The following EXTL2 variants were observed in gnomAD, a reference collection of about 807,000 sequenced individuals.
EXTL2 encodes the protein exostosin like glycosyltransferase 2.
In EXTL2, 23 loss-of-function variants were observed where a neutral mutation model predicts 30.7. That is an observed-to-expected ratio of 0.75 (90% CI 0.54 to 1.06). EXTL2 has a LOEUF of 1.06. Ranked by LOEUF, EXTL2 falls within the 50% of genes least tolerant of loss-of-function variation. EXTL2 has a pLI of 0.00. For synonymous variants in EXTL2, 123 were observed against 133.8 expected (o/e 0.92, Z 0.56); for missense variants, 352 against 396.3 (o/e 0.89, Z 0.95).
chr1:100,879,358 C>A (rs910103789), intron 2 of EXTL2, among the ~76,000 whole-genome samples: 1 of 152,132 alleles, frequency 6.6e-6, no homozygotes, highest in Non-Finnish European at 1.5e-5. Flanking sequence ...CATCATGGAT[C>A]TATTTTACTA....
chr1:100,875,954 T>C (rs1419694287), intron 4 of EXTL2, among the ~76,000 whole-genome samples: 2 of 152,088 alleles, frequency 1.3e-5, no homozygotes, highest in South Asian at 2.1e-4. Flanking sequence ...AAAAATTTCG[T>C]TGGTCAGCAC....
intron 2 of EXTL2, among the ~76,000 whole-genome samples, chr1:100,880,526 CTT>C (rs1337589982): frequency 2.0e-5 from 3 of 152,144 alleles, no homozygotes; most frequent in Non-Finnish European, 4.4e-5. Context: ...AGGATAATAA[CTT>C]AAAGCTTTAG....
chr1:100,878,248 T>TC, intron 2 of EXTL2: 1 of 315,336 alleles, frequency 3.2e-6, no homozygotes, highest in Non-Finnish European at 6.2e-6. Flanking sequence ...AATATATTAA[T>TC]TTCGAATCTA....
rs527383304 is a variant in EXTL2, at chr1:100,894,709, T to A, written c.-148A>T. ...TAGTTATCATAAAACGGAAGGGGCGTCTCGTTTGCTCATTTTTGTTTTTTT... is the reference window on the plus strand; with the variant it reads ...TAGTTATCATAAAACGGAAGGGGCGACTCGTTTGCTCATTTTTGTTTTTTT... On this transcript the variant is annotated 5_prime_UTR_variant, in exon 1 of 5. Coordinates refer to ENST00000370114, the MANE Select transcript of EXTL2 (RefSeq NM_001033025.3). 3.9e-5 allele frequency: 6 copies of A among 152,224 alleles called. No homozygotes were observed. In the South Asian group the frequency reaches 6.2e-4, roughly 16 times the overall value. The allele number at this position is 152,224 out of a possible 1,614,324, so 9.4% of individuals were successfully genotyped here.
At position 100,877,366 on chromosome 1, in the gene EXTL2, C is replaced by G; in HGVS notation, c.433+110G>C. On this transcript the variant is annotated intron_variant, in intron 3 of 4. Transcript: ENST00000370114. The surrounding 1 kb of genome is among the most constrained non-coding windows in gnomAD (Gnocchi z 4.1). ...TTCCAAAGTGCTTTCTTAGGACTAA[C>G]TTCCTTCATTTTTCTCCAGACGGTT... is the stretch of plus-strand genomic sequence containing the variant. 1 of 1,003,208 alleles carries G rather than the reference C, an allele frequency of 1.0e-6. No homozygotes were observed. The highest frequency in any genetic ancestry group is 1.4e-6 in the Non-Finnish European group (1 of 700,624). 62.1% of individuals were successfully genotyped at this position (1,003,208 alleles called of 1,614,324 possible). A position where few individuals can be genotyped will look rare whatever the true frequency, so the allele number is the denominator to read the frequency against.
At chr1:100,894,231 T>C (rs1314934474) in intron 1 of EXTL2, among the ~76,000 whole-genome samples, 2 of 152,290 alleles carry the variant, frequency 1.3e-5, no homozygotes, top group Admixed American at 1.3e-4. Flanking sequence ...GAATTATTTA[T>C]CTTTAAACTA....
intron 2 of EXTL2, among the ~76,000 whole-genome samples, chr1:100,881,733 C>T (rs1038644316): frequency 2.0e-5 from 3 of 152,158 alleles, no homozygotes; most frequent in Non-Finnish European, 4.4e-5. Context: ...TCCAAGATTT[C>T]CCCCAATGAT....
In EXTL2 at chr1:100,877,549, A is replaced by G. The variant is rs1649221224; in HGVS notation, c.360T>C (p.Pro120=). 2 of 1,613,074 alleles carry G rather than the reference A, an allele frequency of 1.2e-6. No individual in the cohort carries two copies. Among genetic ancestry groups the G allele is most frequent in the Non-Finnish European group, 1.7e-6 (2 of 1,179,502 alleles). The change falls in exon 3 of 5, where the codon CCT becomes CCC. Residue 120 remains proline, a synonymous_variant. Transcript: ENST00000370114. This position sits in a 1 kb window ranked among gnomAD's most constrained non-coding sequence, Gnocchi z 4.1. ...TTGCTGTCTGTTGTTTGAAGATCAC[A>G]GGGATAGGGTGGGGCCCTAGAGAAT... ...LWNSLGPHPI[P]VIFKQQTANR... is the part of the protein sequence containing the mutation.
chr1:100,891,434 T>C (rs1233208594), intron 1 of EXTL2, among the ~76,000 whole-genome samples: 1 of 152,226 alleles, frequency 6.6e-6, no homozygotes, highest in Non-Finnish European at 1.5e-5. Context: ...ACCAGAGTTT[T>C]AGTGTTACTC....
At chr1:100,883,585 A>AT (rs1315706581) in intron 2 of EXTL2, among the ~76,000 whole-genome samples, 2 of 151,966 alleles carry the variant, frequency 1.3e-5, no homozygotes, top group African/African-American at 2.4e-5. Context: ...TCAGTACCTC[A>AT]TTTTTTTTGT....
chr1:100,874,228 A>C lies in EXTL2; in HGVS notation c.707T>G (p.Leu236Trp), dbSNP rs1183801429. Residue 236 changes from leucine (L) to tryptophan (W), a missense_variant, in exon 5 of 5, where the codon TTG (leucine) becomes TGG (tryptophan). By Grantham distance (61) the Leu-to-Trp change is moderately conservative. Coordinates refer to ENST00000370114, the MANE Select transcript of EXTL2 (RefSeq NM_001033025.3). ...ATCACAGTTTTGAGTATCATCTATC[A>C]AAGCATGGACAGCTGCAGGTTGCCT... The part of the protein sequence containing the change: ...FQRQPAAVHA[L>W]IDDTQNCDDI... 15 of 1,612,836 alleles carry C rather than the reference A, an allele frequency of 9.3e-6. No homozygotes were observed. The highest frequency in any genetic ancestry group is 1.3e-5 in the Non-Finnish European group (15 of 1,179,456).
In EXTL2 at chr1:100,873,756, T is replaced by C. The variant is rs1648873495; in HGVS notation, c.*186A>G. On this transcript the variant is annotated 3_prime_UTR_variant, in exon 5 of 5. Transcript: ENST00000370114. ...CTCTTCATAAGAAGACCTAACTGGA[T>C]AAGACCAACTTCTTGGCTTTCAAAA... The C allele has an allele frequency of 5.3e-6, 3 of 566,148 alleles. No homozygotes were observed. In the Admixed American group the frequency reaches 1.1e-4, roughly 21 times the overall value. The allele number at this position is 566,148 out of a possible 1,614,324, so 35.1% of individuals were successfully genotyped here. A position where few individuals can be genotyped will look rare whatever the true frequency, so the allele number is the denominator to read the frequency against.
intron 1 of EXTL2, among the ~76,000 whole-genome samples, chr1:100,894,128 C>T (rs1168300780): frequency 6.6e-6 from 1 of 152,062 alleles, no homozygotes; most frequent in African/African-American, 2.4e-5. Flanking sequence ...AAATCAGTTG[C>T]TGAAATTTAA....
chr1:100,889,700 G>A (rs34333564), intron 1 of EXTL2, among the ~76,000 whole-genome samples: 16,896 of 152,240 alleles, frequency 0.11, 994 homozygotes, highest in Middle Eastern at 0.22. Flanking sequence ...ATGCAAGTCC[G>A]AAATCCAGTG....
At chr1:100,891,453 C>T (rs1033301216) in intron 1 of EXTL2, among the ~76,000 whole-genome samples, 3 of 152,148 alleles carry the variant, frequency 2.0e-5, no homozygotes, top group African/African-American at 7.2e-5. Context: ...TCAAATCAGC[C>T]TCCTGGAAAA....
At chr1:100,883,112 G>A (rs1442077770) in intron 2 of EXTL2, among the ~76,000 whole-genome samples, 1 of 152,146 alleles carries the variant, frequency 6.6e-6, no homozygotes, top group African/African-American at 2.4e-5. Context: ...CTATGCTAGG[G>A]TAAATTCTGC....
In EXTL2 at chr1:100,883,784, A is replaced by G. The variant is rs573642221; in HGVS notation, c.5+4969T>C. 6.2e-4 allele frequency among the ~76,000 whole-genome samples: 95 copies of G among 152,298 alleles called. 1 individual carries two copies. The highest frequency in any genetic ancestry group is 2.1e-3 in the African/African-American group (86 of 41,560). On this transcript the variant is annotated intron_variant, in intron 2 of 4. Coordinates refer to ENST00000370114, the MANE Select transcript of EXTL2 (RefSeq NM_001033025.3). Reference sequence around the variant, plus strand: ...TACCTAAGAGTAGAATTGCTGGGTCATTATGTCAGTAATATTTAAATATCT... The same window carrying G: ...TACCTAAGAGTAGAATTGCTGGGTCGTTATGTCAGTAATATTTAAATATCT...
chr1:100,889,409 C>T (rs1650236440), intron 1 of EXTL2, among the ~76,000 whole-genome samples: 1 of 152,144 alleles, frequency 6.6e-6, no homozygotes, highest in South Asian at 2.1e-4. Flanking sequence ...GGTGGGGACA[C>T]AGCCAAACCA....
chr1:100,882,754 G>A (rs1649661619), intron 2 of EXTL2, among the ~76,000 whole-genome samples: 1 of 152,200 alleles, frequency 6.6e-6, no homozygotes, highest in Non-Finnish European at 1.5e-5. Flanking sequence ...CCAAGACGTT[G>A]AGGCTGCTGC....
Sources: allele counts gnomAD v4.1 joint callset (sites outside exome capture counted in the v4.1 genomes callset), GRCh38; gene constraint gnomAD v4.1.1; non-coding constraint Gnocchi (gnomAD v3.1); transcripts MANE v1.5; gene names NCBI Gene and HGNC (gene_info 2026-07-23, HGNC 2026-07-21).